Variants in TRHR observed in about 807,000 individuals in gnomAD.
TRHR encodes the protein thyrotropin-releasing hormone receptor.
In TRHR, 14 loss-of-function variants were observed where a neutral mutation model predicts 28.0. That is an observed-to-expected ratio of 0.50 (90% CI 0.33 to 0.78). TRHR has a LOEUF of 0.78. Among genes scored for constraint, TRHR ranks in the 30% least tolerant of loss-of-function variants. The pLI is 0.02. For synonymous variants in TRHR, 176 were observed against 171.9 expected (o/e 1.02, Z -0.18); for missense variants, 438 against 469.5 (o/e 0.93, Z 0.62).
rs373202795 is a variant in TRHR, at chr8:109,087,471, T to C, written c.-42T>C. ...AAGGTGGGCGCTGGAAAGAAGATGT[T>C]TTGAGAAGTCAGTGTTTCCGAGAAA... On this transcript the variant is annotated 5_prime_UTR_variant, in exon 2 of 3. Transcript: ENST00000518632. 116 of 1,611,008 alleles carry C rather than the reference T, an allele frequency of 7.2e-5. No homozygotes were observed. Among genetic ancestry groups the C allele is most frequent in the Non-Finnish European group, 9.6e-5 (113 of 1,178,260 alleles).
At chr8:109,094,225 G>C (rs893912043) in intron 2 of TRHR, among the ~76,000 whole-genome samples, 1 of 142,876 alleles carries the variant, frequency 7.0e-6, no homozygotes, top group African/African-American at 2.6e-5. Flanking sequence ...GAGGCTACAG[G>C]CTCATCTTTC....
intron 2 of TRHR, among the ~76,000 whole-genome samples, chr8:109,102,226 T>C (rs1371696834): frequency 6.6e-6 from 1 of 152,032 alleles, no homozygotes; most frequent in Non-Finnish European, 1.5e-5. Context: ...GGTATTTTTG[T>C]CTGCTTTATT....
chr8:109,086,935 A>G (rs1414657078), intron 1 of TRHR, 52 bp downstream of exon 1: 1 of 158,180 alleles, frequency 6.3e-6, no homozygotes, highest in African/African-American at 2.4e-5. Flanking sequence ...GGGCATGGGG[A>G]AATGTCATCT....
intron 2 of TRHR, among the ~76,000 whole-genome samples, chr8:109,100,385 G>T (rs1811659898): frequency 6.6e-6 from 1 of 151,938 alleles, no homozygotes; most frequent in Non-Finnish European, 1.5e-5. Context: ...CAATACGTTG[G>T]CATAAAACAA....
intron 2 of TRHR, among the ~76,000 whole-genome samples, chr8:109,115,032 A>T (rs1811897989): frequency 6.6e-6 from 1 of 152,060 alleles, no homozygotes; most frequent in South Asian, 2.1e-4. Context: ...GCTATTTCTC[A>T]AGGACCTTTA....
At chr8:109,108,748 C>A (rs966948511) in intron 2 of TRHR, among the ~76,000 whole-genome samples, 2 of 152,130 alleles carry the variant, frequency 1.3e-5, no homozygotes, top group Non-Finnish European at 2.9e-5. Flanking sequence ...TTCAAAATGA[C>A]ATTTTATTTT....
intron 2 of TRHR, among the ~76,000 whole-genome samples, chr8:109,091,250 T>C (rs1288068266): frequency 1.3e-5 from 2 of 152,162 alleles, no homozygotes; most frequent in African/African-American, 4.8e-5. Context: ...AAGGGTGTGA[T>C]GTGAACATAT....
At chr8:109,102,245 C>T (rs1349218284) in intron 2 of TRHR, among the ~76,000 whole-genome samples, 1 of 152,060 alleles carries the variant, frequency 6.6e-6, no homozygotes, top group Non-Finnish European at 1.5e-5. Flanking sequence ...TTTTGCTTTA[C>T]TTCTTAAGAT....
chr8:109,097,188 C>T (rs1214318834), intron 2 of TRHR, among the ~76,000 whole-genome samples: 2 of 152,186 alleles, frequency 1.3e-5, no homozygotes, highest in East Asian at 3.9e-4. Flanking sequence ...CTACCTTGGA[C>T]AGAAGGCATA....
At chr8:109,087,287 A>T in intron 1 of TRHR, 138 bp from the exon 2 acceptor site, 1 of 595,532 alleles carries the variant, frequency 1.7e-6, no homozygotes, top group Non-Finnish European at 3.0e-6. Context: ...CAATAAAAGA[A>T]GTTTTAAGAA....
At chr8:109,109,045 A>T (rs1204695206) in intron 2 of TRHR, among the ~76,000 whole-genome samples, 2 of 152,236 alleles carry the variant, frequency 1.3e-5, no homozygotes, top group Non-Finnish European at 2.9e-5. Flanking sequence ...AGAACACTGA[A>T]ATCAGAAACA....
At chr8:109,096,449 T>C (rs575530644) in intron 2 of TRHR, among the ~76,000 whole-genome samples, 57 of 152,320 alleles carry the variant, frequency 3.7e-4, no homozygotes, top group African/African-American at 1.4e-3. Context: ...GTAGCATGTC[T>C]TCCCACTCTC....
chr8:109,094,643 A>G (rs544920692), intron 2 of TRHR, among the ~76,000 whole-genome samples: 114 of 151,932 alleles, frequency 7.5e-4, no homozygotes, highest in Non-Finnish European at 1.3e-3. Flanking sequence ...ATAATCTCCT[A>G]AAGTTGTGTG....
At chr8:109,116,150 G>T (rs1330202396) in intron 2 of TRHR, among the ~76,000 whole-genome samples, 2 of 152,144 alleles carry the variant, frequency 1.3e-5, no homozygotes. Flanking sequence ...CAGGGATGAA[G>T]CCCACTTGAT....
At chr8:109,103,141 T>C (rs1413001626) in intron 2 of TRHR, among the ~76,000 whole-genome samples, 1 of 152,184 alleles carries the variant, frequency 6.6e-6, no homozygotes, top group Non-Finnish European at 1.5e-5. Flanking sequence ...AGTGCCTCAA[T>C]ACATCCCTTA....
At chr8:109,095,434 A>C (rs1811574577) in intron 2 of TRHR, among the ~76,000 whole-genome samples, 1 of 152,162 alleles carries the variant, frequency 6.6e-6, no homozygotes. Context: ...ATGGGAGAAG[A>C]CTGGGCACGT....
chr8:109,120,300 C>T lies in TRHR; in HGVS notation c.*845C>T, dbSNP rs1161897264. On this transcript the variant is annotated 3_prime_UTR_variant, in exon 3 of 3. Transcript: ENST00000518632. ...AGCAAGTATTTATAATTAGATTTTGCTTCTTCTCTGACGCTTTTAAGCAAT... is the reference window on the plus strand; with the variant it reads ...AGCAAGTATTTATAATTAGATTTTGTTTCTTCTCTGACGCTTTTAAGCAAT... Among the ~76,000 whole-genome samples the T allele has an allele frequency of 6.6e-6, 1 of 151,802 alleles. No individual in the cohort carries two copies. The highest frequency in any genetic ancestry group is 1.5e-5 in the Non-Finnish European group (1 of 67,868).
At chr8:109,118,359 C>G (rs151284322) in intron 2 of TRHR, among the ~76,000 whole-genome samples, 1 of 151,876 alleles carries the variant, frequency 6.6e-6, no homozygotes, top group Admixed American at 6.6e-5. Context: ...TCTTTTCATG[C>G]ACTGTTACCT....
chr8:109,094,093 C>A (rs1351134265), intron 2 of TRHR, among the ~76,000 whole-genome samples: 1 of 152,100 alleles, frequency 6.6e-6, no homozygotes, highest in Non-Finnish European at 1.5e-5. Flanking sequence ...CTAAGAGAAC[C>A]TTTACTCAAC....
Sources: allele counts gnomAD v4.1 joint callset (sites outside exome capture counted in the v4.1 genomes callset), GRCh38; gene constraint gnomAD v4.1.1; transcripts MANE v1.5; gene names NCBI Gene and HGNC (gene_info 2026-07-23, HGNC 2026-07-21).